LOC128125822: variants seen among roughly 807,000 people sequenced by gnomAD.
At chr6:63,578,807 T>C in the LOC128125822 span, 1 of 1,281,100 alleles carries the variant, frequency 7.8e-7, no homozygotes, top group Non-Finnish European at 1.0e-6. Flanking sequence ...ATGAGAATGC[T>C]TTTGAAAACA....
At chr6:63,579,900 A>G in the LOC128125822 span, among the ~76,000 whole-genome samples, 19 of 152,216 alleles carry the variant, frequency 1.2e-4, no homozygotes, top group African/African-American at 2.4e-5. Flanking sequence ...TTCCATTTAC[A>G]CTGATGTGCC....
the LOC128125822 span, among the ~76,000 whole-genome samples, chr6:63,577,228 C>A: frequency 2.0e-4 from 30 of 152,282 alleles, no homozygotes; most frequent in African/African-American, 7.0e-4. Context: ...GACAGTAAAA[C>A]AGTATAGCTC....
At chr6:63,578,381 T>G in the LOC128125822 span, 3 of 1,534,104 alleles carry the variant, frequency 2.0e-6, no homozygotes, top group Non-Finnish European at 2.6e-6. Flanking sequence ...TATAAAATGT[T>G]GAGTTATAGT....
chr6:63,583,543 A>G, the LOC128125822 span: 4 of 152,184 alleles, frequency 2.6e-5, no homozygotes, highest in African/African-American at 9.7e-5. Context: ...TTATAATTAT[A>G]TATATTGCCG....
chr6:63,576,449 T>G, the LOC128125822 span: 1 of 400,274 alleles, frequency 2.5e-6, no homozygotes, highest in Admixed American at 4.4e-5. Flanking sequence ...TTCTGTGGTG[T>G]TCTTGGTCAC....
the LOC128125822 span, among the ~76,000 whole-genome samples, chr6:63,577,960 C>CT: frequency 1.4e-5 from 2 of 145,526 alleles, no homozygotes; most frequent in African/African-American, 2.6e-5. Context: ...GGTATGTGGG[C>CT]TTTTTTACTG....
the LOC128125822 span, among the ~76,000 whole-genome samples, chr6:63,573,881 G>T: frequency 6.6e-6 from 1 of 152,162 alleles, no homozygotes; most frequent in African/African-American, 2.4e-5. Context: ...CCTGGATGGC[G>T]CCTTTTAATC....
the LOC128125822 span, chr6:63,580,783 T>A: frequency 6.6e-6 from 1 of 152,384 alleles, no homozygotes; most frequent in East Asian, 1.9e-4. Flanking sequence ...TTTCCATGTA[T>A]CTCACTTTGT....
At chr6:63,578,671 T>C in the LOC128125822 span, 4 of 1,307,062 alleles carry the variant, frequency 3.1e-6, no homozygotes, top group Non-Finnish European at 4.1e-6. Flanking sequence ...GTGCAGAATC[T>C]TAATTTCTAA....
chr6:63,579,043 C>T, the LOC128125822 span: 13 of 1,553,126 alleles, frequency 8.4e-6, no homozygotes, highest in Non-Finnish European at 8.7e-7. Flanking sequence ...ATGAATTTAT[C>T]AATTTGATTC....
the LOC128125822 span, chr6:63,582,521 C>T: frequency 6.6e-6 from 1 of 152,528 alleles, no homozygotes; most frequent in Non-Finnish European, 1.5e-5. Context: ...TATAATACAT[C>T]TTAGATTCCT....
the LOC128125822 span, chr6:63,582,753 ACT>A: frequency 6.6e-6 from 1 of 152,086 alleles, no homozygotes; most frequent in Admixed American, 6.6e-5. Context: ...TTGAAGGAAA[ACT>A]CTGGAAGTAG....
the LOC128125822 span, chr6:63,573,716 C>G: frequency 6.6e-6 from 1 of 152,382 alleles, no homozygotes; most frequent in South Asian, 2.1e-4. Context: ...ATAATGGGAA[C>G]AAGTCTAGTC....
At chr6:63,580,275 C>A in the LOC128125822 span, 1 of 962,582 alleles carries the variant, frequency 1.0e-6, no homozygotes, top group Non-Finnish European at 1.6e-6. Flanking sequence ...AATGAAGCTT[C>A]CATAGGAGTA....
the LOC128125822 span, among the ~76,000 whole-genome samples, chr6:63,577,229 A>T: frequency 2.0e-4 from 30 of 152,356 alleles, no homozygotes; most frequent in African/African-American, 7.0e-4. Flanking sequence ...ACAGTAAAAC[A>T]GTATAGCTCT....
chr6:63,578,464 A>G, the LOC128125822 span: 2 of 1,609,650 alleles, frequency 1.2e-6, no homozygotes, highest in South Asian at 2.2e-5. Flanking sequence ...AGTTACCACA[A>G]TAGTAAGAGT....
At chr6:63,573,526 G>A in the LOC128125822 span, 2 of 152,268 alleles carry the variant, frequency 1.3e-5, no homozygotes, top group Admixed American at 1.3e-4. Context: ...GCGTGCTCGG[G>A]CGCACACAGC....
At chr6:63,576,319 G>T in the LOC128125822 span, 2 of 389,380 alleles carry the variant, frequency 5.1e-6, no homozygotes, top group East Asian at 3.6e-5. Flanking sequence ...TCGATGAAGC[G>T]GCTCAGGCCC....
chr6:63,578,405 A>T, the LOC128125822 span: 1 of 1,593,650 alleles, frequency 6.3e-7, no homozygotes, highest in South Asian at 1.1e-5. Flanking sequence ...GTGGTTAAAC[A>T]TTAAGATTTT....
Sources: gnomAD v4.1 joint callset for allele counts (sites outside exome capture counted in the v4.1 genomes callset) on GRCh38, gnomAD v4.1.1 for gene constraint, MANE v1.5 for transcripts.